AP1M2: variants seen among roughly 807,000 people sequenced by gnomAD.
AP1M2 encodes the protein adaptor related protein complex 1 subunit mu 2, also known as AP-1 complex subunit mu-2.
A neutral mutation model predicts 54.6 loss-of-function variants in AP1M2; 41 were observed. The ratio of observed to expected loss-of-function variants is 0.75; its 90% CI spans 0.59 to 0.97. AP1M2 has a LOEUF of 0.97. Among genes scored for constraint, AP1M2 ranks in the 50% least tolerant of loss-of-function variants. The pLI, the probability that AP1M2 is intolerant of heterozygous loss-of-function variation, is 0.00. For synonymous variants in AP1M2, 219 were observed against 215.9 expected, an observed-to-expected ratio of 1.01 and a Z score of -0.13; for missense variants, 507 against 561.2, an observed-to-expected ratio of 0.90 and a Z score of 0.98.
At chr19:10,578,249 C>T (rs989153653) in intron 8 of AP1M2, among the ~76,000 whole-genome samples, 1 of 152,114 alleles carries the variant, frequency 6.6e-6, no homozygotes, top group Non-Finnish European at 1.5e-5. Context: ...TTGTGGAGGC[C>T]TGGGCTGAGA....
rs937124062 is a variant in AP1M2, at chr19:10,573,076, C to G, written c.1262G>C (p.Arg421Pro). 1.3e-6 allele frequency: 2 copies of G among 1,565,402 alleles called. No individual in the cohort carries two copies. Among genetic ancestry groups the G allele is most frequent in the Non-Finnish European group, 1.7e-6 (2 of 1,154,826 alleles). The change falls in exon 12 of 12, where the codon CGT becomes CCT. Residue 421 changes from arginine to proline, a missense_variant. Transcript: ENST00000250244. The part of the protein sequence containing the change: ...YITQSGDYQL[R>P]TS ...CATCTCTTCTCCCTTCTAGCTGGTA[C>G]GAAGTTGGTAATCTGCAGAGAAAGA...
At chr19:10,577,959 C>T (rs1158930413) in intron 8 of AP1M2, among the ~76,000 whole-genome samples, 1 of 152,026 alleles carries the variant, frequency 6.6e-6, no homozygotes, top group Non-Finnish European at 1.5e-5. Context: ...TGGTCTGGAA[C>T]GCCTGACCTC....
At chr19:10,573,404 G>A (rs745701026) in intron 11 of AP1M2, among the ~76,000 whole-genome samples, 2 of 151,918 alleles carry the variant, frequency 1.3e-5, no homozygotes, top group Non-Finnish European at 2.9e-5. Flanking sequence ...GGGCGACAGA[G>A]TGAGATTCCA....
At chr19:10,585,341 A>AAGAAAG (rs1917622169) in intron 1 of AP1M2, among the ~76,000 whole-genome samples, 1 of 149,874 alleles carries the variant, frequency 6.7e-6, no homozygotes, top group African/African-American at 2.5e-5. Context: ...GAAAGAAAGA[A>AAGAAAG]AGAAAGAAAG....
rs749676329 is a variant in AP1M2, at chr19:10,579,015, C to CTTT, written c.817-55_817-53dup. ...TTGGAGACTCCATGTTGACTCTCTT[C>CTTT]TTTTTTTTTTTTTTTTTTTCTTTCT... On this transcript the variant is annotated intron_variant, in intron 7 of 11. Transcript: ENST00000250244. 2.7e-3 allele frequency: 2,006 copies of CTTT among 741,272 alleles called. 1 individual carries two copies. The highest frequency in any genetic ancestry group is 5.9e-3 in the South Asian group (291 of 48,998). The allele number at this position is 741,272 out of a possible 1,614,324, so 45.9% of individuals were successfully genotyped here.
At chr19:10,575,308 C>T (rs939065356) in intron 9 of AP1M2, among the ~76,000 whole-genome samples, 2 of 152,102 alleles carry the variant, frequency 1.3e-5, no homozygotes, top group South Asian at 4.1e-4. Flanking sequence ...GCCATGATCT[C>T]ACCACTGCAC....
chr19:10,575,137 A>G lies in AP1M2; in HGVS notation c.1048-108T>C. 2.5e-6 allele frequency: 3 copies of G among 1,204,974 alleles called. No homozygotes were observed. The South Asian group carries it at 7.2e-5, about 29-fold the overall frequency. 74.6% of individuals were successfully genotyped at this position (1,204,974 alleles called of 1,614,324 possible). A position where few individuals can be genotyped will look rare whatever the true frequency, so the allele number is the denominator to read the frequency against. On this transcript the variant is annotated intron_variant, in intron 9 of 11. Coordinates refer to ENST00000250244, the MANE Select transcript of AP1M2 (RefSeq NM_005498.5). ...TCTGCTCACAGCCCATTTCACAGACAGGAAAATAAAGGCTCCTTAGCCTGG... is the reference window on the plus strand; with the variant it reads ...TCTGCTCACAGCCCATTTCACAGACGGGAAAATAAAGGCTCCTTAGCCTGG...
At chr19:10,581,937 C>A in intron 3 of AP1M2, 59 bp from the exon 4 acceptor site, 1 of 1,501,500 alleles carries the variant, frequency 6.7e-7, no homozygotes, top group South Asian at 1.3e-5. Flanking sequence ...GGCATAGTAG[C>A]TCATGCCTGT....
chr19:10,587,256 T>G lies in AP1M2; in HGVS notation c.-25A>C. Reference sequence around the variant, plus strand: ...TGGTGGCGGCCGAAGGACTTAGGAGTCGGGGAGGGAGCGCCGGGAGGCGAT... The same window carrying G: ...TGGTGGCGGCCGAAGGACTTAGGAGGCGGGGAGGGAGCGCCGGGAGGCGAT... On this transcript the variant is annotated 5_prime_UTR_variant, in exon 1 of 12. Coordinates refer to ENST00000250244, the MANE Select transcript of AP1M2 (RefSeq NM_005498.5). The G allele has an allele frequency of 6.4e-7, 1 of 1,559,100 alleles. No individual in the cohort carries two copies. The highest frequency in any genetic ancestry group is 8.7e-7 in the Non-Finnish European group (1 of 1,152,010).
intron 1 of AP1M2, 91 bp from the exon 2 acceptor site, chr19:10,584,161 C>T (rs1015432161): frequency 6.8e-7 from 1 of 1,467,740 alleles, no homozygotes; most frequent in Non-Finnish European, 9.1e-7. Context: ...ACCCTACTTC[C>T]TAGCTGAGGG....
intron 9 of AP1M2, 44 bp from the exon 10 acceptor site, chr19:10,575,073 C>A: frequency 7.0e-7 from 1 of 1,420,588 alleles, no homozygotes; most frequent in Non-Finnish European, 9.2e-7. Context: ...GTCCGCCTAC[C>A]CTCCCGAGAC....
At chr19:10,580,733 T>C (rs746374267) in intron 6 of AP1M2, among the ~76,000 whole-genome samples, 7 of 151,746 alleles carry the variant, frequency 4.6e-5, no homozygotes, top group Non-Finnish European at 8.8e-5. Flanking sequence ...TCCTAGCACT[T>C]TGGGAGGATT....
At chr19:10,575,162 G>T in intron 9 of AP1M2, 133 bp from the exon 10 acceptor site, 1 of 1,043,778 alleles carries the variant, frequency 9.6e-7, no homozygotes, top group Non-Finnish European at 1.3e-6. Flanking sequence ...CCTTAGCCTG[G>T]GCAACATATT....
At chr19:10,581,227 C>T (rs1346501647) in intron 6 of AP1M2, 39 bp downstream of exon 6, 5 of 1,584,126 alleles carry the variant, frequency 3.2e-6, no homozygotes, top group Non-Finnish European at 4.3e-6. Flanking sequence ...TGCGACTCCC[C>T]TGTGCATTTC....
intron 4 of AP1M2, 41 bp downstream of exon 4, chr19:10,581,707 C>T: frequency 1.2e-6 from 2 of 1,611,824 alleles, no homozygotes. Flanking sequence ...GTTCCTTACA[C>T]CCACAGTCCA....
At chr19:10,586,562 T>A (rs1055503916) in intron 1 of AP1M2, among the ~76,000 whole-genome samples, 1 of 145,812 alleles carries the variant, frequency 6.9e-6, no homozygotes, top group Non-Finnish European at 1.5e-5. Flanking sequence ...GCGGGATCCC[T>A]CTACAAAAAA....
intron 8 of AP1M2, among the ~76,000 whole-genome samples, chr19:10,577,732 G>A (rs943535502): frequency 7.9e-6 from 1 of 126,982 alleles, no homozygotes; most frequent in African/African-American, 3.0e-5. Flanking sequence ...ACCATGCTTG[G>A]CCTTTTTTTT....
Position 10,577,579 on chromosome 19 carries a change from A to G in AP1M2, c.889-223T>C, listed in dbSNP as rs1052678427. Among the ~76,000 whole-genome samples, 20 of 149,558 alleles carry G rather than the reference A, an allele frequency of 1.3e-4. No individual in the cohort carries two copies. The East Asian group carries it at 3.5e-3, about 27-fold the overall frequency. ...CTCCTGAGCAGCTGGGACTACAGGC[A>G]CCCGCCAGCACGCCCAGCTAATTTT... On this transcript the variant is annotated intron_variant, in intron 8 of 11. Coordinates refer to ENST00000250244, the MANE Select transcript of AP1M2 (RefSeq NM_005498.5).
intron 6 of AP1M2, among the ~76,000 whole-genome samples, chr19:10,580,161 C>G (rs1349337791): frequency 6.6e-6 from 1 of 150,594 alleles, no homozygotes; most frequent in African/African-American, 2.4e-5. Context: ...AAGCCATTCT[C>G]CTGCCTCAGC....
Sources: allele counts gnomAD v4.1 joint callset (sites outside exome capture counted in the v4.1 genomes callset), GRCh38; gene constraint gnomAD v4.1.1; transcripts MANE v1.5; gene names NCBI Gene and HGNC (gene_info 2026-07-23, HGNC 2026-07-21).